Variants in MSN observed in about 807,000 individuals in gnomAD.
MSN encodes the protein epididymis luminal protein 70.
A neutral mutation model predicts 48.0 loss-of-function variants in MSN; 2 were observed. That is an observed-to-expected ratio of 0.04 (90% confidence interval 0.02 to 0.13). MSN has a LOEUF of 0.13. MSN is among the 10% of genes least tolerant of loss of function. The pLI, the probability that MSN is intolerant of heterozygous loss-of-function variation, is 1.00. For synonymous variants in MSN, 146 were observed against 166.9 expected (o/e 0.87, Z 0.97); for missense variants, 267 against 470.1 (o/e 0.57, Z 3.99).
At chrX:65,613,758 A>G (rs2070342022) in intron 1 of MSN, among the ~76,000 whole-genome samples, 1 of 112,048 alleles carries the variant, frequency 8.9e-6, no homozygotes, top group South Asian at 3.7e-4. Context: ...TTCTTTGTAT[A>G]GTCTGGATAT....
At chrX:65,651,369 G>A (rs957725247) in intron 1 of MSN, among the ~76,000 whole-genome samples, 4 of 106,737 alleles carry the variant, frequency 3.7e-5, no homozygotes, top group African/African-American at 1.4e-4. Context: ...ATATGGATAT[G>A]TATGTTCAGG....
intron 1 of MSN, among the ~76,000 whole-genome samples, chrX:65,670,678 A>C (rs1244042124): frequency 9.4e-6 from 1 of 106,390 alleles, no homozygotes; most frequent in Non-Finnish European, 1.9e-5. Flanking sequence ...AGCCGAGATC[A>C]CGCCACTGCA....
intron 1 of MSN, among the ~76,000 whole-genome samples, chrX:65,600,143 G>A (rs1410159773): frequency 9.0e-6 from 1 of 111,140 alleles, no homozygotes; most frequent in Non-Finnish European, 1.9e-5. Context: ...ACTAAGGAGA[G>A]AGATGAGCAG....
intron 1 of MSN, among the ~76,000 whole-genome samples, chrX:65,698,575 C>A (rs2071270065): frequency 8.9e-6 from 1 of 112,206 alleles, no homozygotes; most frequent in Non-Finnish European, 1.9e-5. Context: ...CTCCCTGCCC[C>A]CCACTGCTTC....
chrX:65,698,606 G>A (rs971716875), intron 1 of MSN, among the ~76,000 whole-genome samples: 50 of 112,095 alleles, frequency 4.5e-4, no homozygotes, highest in Non-Finnish European at 8.8e-4. Context: ...CTGTGGTGAT[G>A]TTCTGCCTGG....
rs141019286 is a variant in MSN at position 65,621,245 on chromosome X, G to A, written c.-22+32633G>A. 6.4e-3 allele frequency among the ~76,000 whole-genome samples: 718 copies of A among 111,673 alleles called. 6 individuals are homozygous for A. The highest frequency in any genetic ancestry group is 0.021 in the African/African-American group (638 of 30,705). On this transcript the variant is annotated intron_variant, in intron 1 of 3. Transcript: ENST00000609672. ...TGATACTTTCTAAAATTTTAGTAAC[G>A]TGTGCAAACAAGGTTGATACATTTT...
rs12838509 is a variant in MSN at position 65,683,942 on chromosome X, C to T, written c.12+16089C>T. 7.7e-3 allele frequency among the ~76,000 whole-genome samples: 621 copies of T among 80,288 alleles called. 7 individuals are homozygous for T. Among genetic ancestry groups the T allele is most frequent in the Middle Eastern group, 0.014 (2 of 146 alleles). 69.7% of individuals were successfully genotyped at this position (80,288 alleles called of 115,157 possible). A position where few individuals can be genotyped will look rare whatever the true frequency, so the allele number is the denominator to read the frequency against. On this transcript the variant is annotated intron_variant, in intron 1 of 12. Transcript: ENST00000360270. ...CTCTTTTTTTTCTTTCTTTCTTTTT[C>T]TTTTTTTTTTTTTTTTGAGATGGAG...
intron 7 of MSN, among the ~76,000 whole-genome samples, chrX:65,733,716 C>T (rs1009323395): frequency 1.6e-4 from 18 of 111,750 alleles, no homozygotes; most frequent in African/African-American, 4.2e-4. Flanking sequence ...GATGGAGTCT[C>T]GCTCTGTTGC....
At chrX:65,726,469 T>G (rs72627612) in intron 2 of MSN, among the ~76,000 whole-genome samples, 1,621 of 111,466 alleles carry the variant, frequency 0.015, 62 homozygotes, top group East Asian at 0.098. Context: ...GATTGGTGCT[T>G]AATAAATATG....
chrX:65,692,349 T>C (rs1260241570), intron 1 of MSN, among the ~76,000 whole-genome samples: 1 of 112,588 alleles, frequency 8.9e-6, no homozygotes, highest in Non-Finnish European at 1.9e-5. Context: ...TTGTGGAAGA[T>C]GGTTAGTGGT....
chrX:65,632,629 T>C (rs1452314679), intron 1 of MSN, among the ~76,000 whole-genome samples: 1 of 112,250 alleles, frequency 8.9e-6, no homozygotes, highest in African/African-American at 3.2e-5. Context: ...GTGTTGTCGC[T>C]GTTTTTTTAA....
intron 1 of MSN, among the ~76,000 whole-genome samples, chrX:65,692,846 A>C (rs2071188730): frequency 9.0e-6 from 1 of 110,759 alleles, no homozygotes; most frequent in Non-Finnish European, 1.9e-5. Context: ...CTCCTAGCTA[A>C]TTTTTGTATT....
chrX:65,620,998 T>C (rs1295169724), intron 1 of MSN, among the ~76,000 whole-genome samples: 1 of 108,534 alleles, frequency 9.2e-6, no homozygotes, highest in African/African-American at 3.4e-5. Flanking sequence ...TGATCTCGGC[T>C]CACGGCAACC....
intron 1 of MSN, among the ~76,000 whole-genome samples, chrX:65,615,229 A>G (rs2070358622): frequency 9.2e-6 from 1 of 109,141 alleles, no homozygotes; most frequent in African/African-American, 3.4e-5. Context: ...CAGTAATGGG[A>G]TGGCTGGGTC....
intron 1 of MSN, among the ~76,000 whole-genome samples, chrX:65,645,145 A>G (rs2070685714): frequency 9.0e-6 from 1 of 110,813 alleles, no homozygotes. Flanking sequence ...AGCCATGTAG[A>G]CTCCAGGCCT....
chrX:65,650,240 A>G (rs1419846303), intron 1 of MSN, among the ~76,000 whole-genome samples: 3 of 108,453 alleles, frequency 2.8e-5, no homozygotes, highest in African/African-American at 1.0e-4. Flanking sequence ...GGTGCATGCC[A>G]CTATTCCCAG....
chrX:65,731,009 C>T, intron 4 of MSN, 98 bp from the exon 5 acceptor site: 1 of 657,190 alleles, frequency 1.5e-6, no homozygotes, highest in Non-Finnish European at 2.3e-6. Context: ...ACTCTACATC[C>T]TCTTTGCATC....
At chrX:65,706,497 T>C (rs1284100175) in intron 1 of MSN, among the ~76,000 whole-genome samples, 3 of 111,870 alleles carry the variant, frequency 2.7e-5, no homozygotes, top group Non-Finnish European at 5.7e-5. Flanking sequence ...ATGAGGTCAT[T>C]GAGCTCAGAC....
intron 1 of MSN, among the ~76,000 whole-genome samples, chrX:65,697,324 T>A: frequency 9.0e-6 from 1 of 111,715 alleles, no homozygotes; most frequent in East Asian, 2.8e-4. Flanking sequence ...TGGAATGACA[T>A]CTGCCTTCCA....
Sources: gnomAD v4.1 joint callset for allele counts (sites outside exome capture counted in the v4.1 genomes callset) on GRCh38, gnomAD v4.1.1 for gene constraint, MANE v1.5 for transcripts, NCBI Gene and HGNC (gene_info 2026-07-23, HGNC 2026-07-21) for gene names.